FHIT: variants seen among roughly 807,000 people sequenced by gnomAD.
The protein encoded by FHIT is bis(5'-adenosyl)-triphosphatase.
Under a neutral mutation model 17.9 loss-of-function variants are expected in FHIT, and 19 were observed. The observed-to-expected ratio is 1.06, with a 90% CI of 0.74 to 1.56. The LOEUF (loss-of-function observed/expected upper bound fraction) is 1.56. FHIT is among the 40% of genes most tolerant of loss of function. The pLI is 0.00. For missense variants in FHIT, 248 were observed against 189.2 expected (o/e 1.31, Z -1.82); for synonymous variants, 81 against 69.7 (o/e 1.16, Z -0.81).
chr3:61,016,681 A>T (rs1575843436), intron 3 of FHIT, among the ~76,000 whole-genome samples: 1 of 152,242 alleles, frequency 6.6e-6, no homozygotes, highest in African/African-American at 2.4e-5. Flanking sequence ...CCATGGCTCC[A>T]TCACTAATGA....
intron 8 of FHIT, among the ~76,000 whole-genome samples, chr3:59,780,638 G>A (rs1420823329): frequency 6.6e-6 from 1 of 152,158 alleles, no homozygotes; most frequent in African/African-American, 2.4e-5. Flanking sequence ...GGTCATGAAG[G>A]TGGAGCCCCA....
intron 5 of FHIT, among the ~76,000 whole-genome samples, chr3:60,098,949 T>C (rs1576096191): frequency 6.6e-6 from 1 of 152,130 alleles, no homozygotes; most frequent in Admixed American, 6.5e-5. Flanking sequence ...CTCACCAATG[T>C]TTACCTGATC....
At chr3:60,838,942 C>T (rs1333564030) in intron 3 of FHIT, among the ~76,000 whole-genome samples, 2 of 152,012 alleles carry the variant, frequency 1.3e-5, no homozygotes, top group Non-Finnish European at 2.9e-5. Flanking sequence ...AAAGGACTTC[C>T]TGGGTGAAGG....
chr3:60,506,084 G>A (rs2034717117), intron 5 of FHIT, among the ~76,000 whole-genome samples: 1 of 152,088 alleles, frequency 6.6e-6, no homozygotes, highest in East Asian at 1.9e-4. Flanking sequence ...ACAAAGCCAT[G>A]AGTAAAATGT....
intron 5 of FHIT, among the ~76,000 whole-genome samples, chr3:60,229,903 G>C (rs954385547): frequency 6.6e-6 from 1 of 152,072 alleles, no homozygotes; most frequent in Non-Finnish European, 1.5e-5. Flanking sequence ...GACAGCTTGA[G>C]CCCAAGACTT....
intron 4 of FHIT, among the ~76,000 whole-genome samples, chr3:60,807,200 TG>T (rs1298764270): frequency 6.6e-6 from 1 of 152,210 alleles, no homozygotes; most frequent in Admixed American, 6.5e-5. Flanking sequence ...CTGATTTCTG[TG>T]GATTTTCTTC....
intron 5 of FHIT, among the ~76,000 whole-genome samples, chr3:60,075,663 C>A (rs1053137686): frequency 6.6e-6 from 1 of 151,884 alleles, no homozygotes; most frequent in Non-Finnish European, 1.5e-5. Context: ...GAACATTCCC[C>A]AGACTAATAG....
rs530012122 is a variant in FHIT, at chr3:60,606,591, A to G, written c.-17-69612T>C. ...AGGGACTTTTCTCCTATTATAAGCC[A>G]CCATTAGGATAGTGAATTGGGTGCC... is the stretch of plus-strand genomic sequence containing the variant. On this transcript the variant is annotated intron_variant, in intron 4 of 9. Transcript: ENST00000492590. 5.9e-5 allele frequency among the ~76,000 whole-genome samples: 9 copies of G among 152,162 alleles called. No homozygotes were observed. The East Asian group carries it at 7.8e-4, about 13-fold the overall frequency.
At chr3:60,357,822 T>C (rs974142172) in intron 5 of FHIT, among the ~76,000 whole-genome samples, 3 of 152,198 alleles carry the variant, frequency 2.0e-5, no homozygotes, top group Admixed American at 1.3e-4. Context: ...ATGGCCATCA[T>C]AGTCTTTGCA....
chr3:61,008,356 AC>A (rs2031580865), intron 3 of FHIT, among the ~76,000 whole-genome samples: 1 of 152,192 alleles, frequency 6.6e-6, no homozygotes, highest in Non-Finnish European at 1.5e-5. Flanking sequence ...GAAGTCACTA[AC>A]TGATTCCTGC....
At chr3:60,851,587 G>T (rs949466057) in intron 3 of FHIT, among the ~76,000 whole-genome samples, 34 of 152,020 alleles carry the variant, frequency 2.2e-4, no homozygotes, top group Admixed American at 8.5e-4. Flanking sequence ...TGATTAAATT[G>T]GCAAAAGTTC....
At chr3:60,974,017 G>A (rs746963168) in intron 3 of FHIT, among the ~76,000 whole-genome samples, 7 of 152,272 alleles carry the variant, frequency 4.6e-5, no homozygotes, top group South Asian at 2.1e-4. Context: ...TATTACAGAC[G>A]CTTGTTCAAA....
intron 5 of FHIT, among the ~76,000 whole-genome samples, chr3:60,231,472 T>G (rs1289681079): frequency 1.3e-5 from 2 of 152,178 alleles, no homozygotes; most frequent in Non-Finnish European, 2.9e-5. Flanking sequence ...ACCAACAACC[T>G]GACTTCTAGC....
intron 5 of FHIT, among the ~76,000 whole-genome samples, chr3:60,070,492 T>C (rs1200370297): frequency 2.0e-5 from 3 of 152,336 alleles, no homozygotes; most frequent in East Asian, 1.9e-4. Flanking sequence ...ATAAGACTTT[T>C]TGAGTTATCT....
At chr3:59,854,975 T>G (rs1289527716) in intron 8 of FHIT, among the ~76,000 whole-genome samples, 4 of 152,162 alleles carry the variant, frequency 2.6e-5, no homozygotes, top group African/African-American at 9.7e-5. Context: ...ACAGACCTGA[T>G]TACTAAAAAG....
chr3:59,856,979 C>T (rs1702184811), intron 8 of FHIT, among the ~76,000 whole-genome samples: 2 of 152,040 alleles, frequency 1.3e-5, no homozygotes, highest in African/African-American at 4.8e-5. Flanking sequence ...TTCAACAACT[C>T]ACCCAAAGTC....
chr3:61,070,660 T>C (rs1482362769), intron 2 of FHIT, among the ~76,000 whole-genome samples: 4 of 152,218 alleles, frequency 2.6e-5, no homozygotes, highest in Non-Finnish European at 5.9e-5. Flanking sequence ...TAAACAACAA[T>C]TTCTAATTGC....
intron 7 of FHIT, among the ~76,000 whole-genome samples, chr3:59,955,007 A>T (rs1183525471): frequency 3.3e-5 from 5 of 152,208 alleles, no homozygotes; most frequent in African/African-American, 1.2e-4. Flanking sequence ...ACCCTGGAGA[A>T]GCCAGCTTCA....
intron 5 of FHIT, among the ~76,000 whole-genome samples, chr3:60,099,296 G>A (rs1170711013): frequency 6.6e-6 from 1 of 152,132 alleles, no homozygotes; most frequent in Admixed American, 6.5e-5. Flanking sequence ...AATGGAATGG[G>A]ATGGGCTCAA....
Sources: allele counts gnomAD v4.1 joint callset (sites outside exome capture counted in the v4.1 genomes callset), GRCh38; gene constraint gnomAD v4.1.1; transcripts MANE v1.5; gene names NCBI Gene and HGNC (gene_info 2026-07-23, HGNC 2026-07-21).